The following HTR2C variants were observed in gnomAD, a reference collection of about 807,000 sequenced individuals.
HTR2C encodes 5-hydroxytryptamine receptor 2C, also known as 5-hydroxytryptamine (serotonin) receptor 2C, G protein-coupled.
Under a neutral mutation model 21.0 loss-of-function variants are expected in HTR2C, and 5 were observed. The observed-to-expected ratio is 0.24, with a 90% CI of 0.12 to 0.50. The LOEUF is 0.50. HTR2C is among the 20% of genes least tolerant of loss of function. The pLI is 0.98. For missense variants in HTR2C, 271 were observed against 371.2 expected, an observed-to-expected ratio of 0.73 and a Z score of 2.22; for synonymous variants, 150 against 145.3, an observed-to-expected ratio of 1.03 and a Z score of -0.23.
intron 4 of HTR2C, among the ~76,000 whole-genome samples, chrX:114,794,308 C>T (rs920691687): frequency 4.5e-5 from 5 of 111,029 alleles, no homozygotes; most frequent in African/African-American, 1.6e-4. Flanking sequence ...CAGCAGAATA[C>T]AATCTGGTAA....
At chrX:114,739,720 T>G (rs1261680425) in intron 4 of HTR2C, among the ~76,000 whole-genome samples, 1 of 111,959 alleles carries the variant, frequency 8.9e-6, no homozygotes, top group African/African-American at 3.2e-5. Context: ...ATATCTCTAA[T>G]ACATAAACAA....
At chrX:114,755,788 G>C (rs782098388) in intron 4 of HTR2C, among the ~76,000 whole-genome samples, 42 of 111,349 alleles carry the variant, frequency 3.8e-4, no homozygotes, top group Admixed American at 3.8e-3. Context: ...ACATTTCATT[G>C]TACAGAATAT....
chrX:114,876,722 A>G (rs868954297), intron 5 of HTR2C, among the ~76,000 whole-genome samples: 2 of 110,656 alleles, frequency 1.8e-5, no homozygotes, highest in Non-Finnish European at 3.8e-5. Context: ...CATTCTGTCA[A>G]TGTGATGTAT....
intron 4 of HTR2C, among the ~76,000 whole-genome samples, chrX:114,806,215 C>A (rs974884112): frequency 2.1e-5 from 2 of 96,922 alleles, no homozygotes; most frequent in Non-Finnish European, 4.1e-5. Flanking sequence ...TATATACACT[C>A]TATATACCAT....
At chrX:114,829,063 T>C (rs1261824174) in intron 4 of HTR2C, among the ~76,000 whole-genome samples, 3 of 111,923 alleles carry the variant, frequency 2.7e-5, no homozygotes, top group Non-Finnish European at 3.8e-5. Context: ...CTTGAGTATC[T>C]ATAAATAGAA....
chrX:114,611,527 TAA>T (rs1259117936), intron 1 of HTR2C, among the ~76,000 whole-genome samples: 3 of 112,202 alleles, frequency 2.7e-5, no homozygotes, highest in Admixed American at 9.5e-5. Context: ...TTATTTACTA[TAA>T]GTCTCCTACT....
At position 114,726,984 on chromosome X, in the gene HTR2C, C is replaced by T. The variant is rs200921641; in HGVS notation, c.35+13C>T. ...TGCATTCATTCCTGTAAGGATGTTA[C>T]TACTTATTATTTTAGTAAAAAGATA... On this transcript the variant is annotated intron_variant, in intron 3 of 5. Transcript: ENST00000276198. 7.8e-6 allele frequency: 8 copies of T among 1,030,809 alleles called. No individual in the cohort carries two copies. The highest frequency in any genetic ancestry group is 1.0e-5 in the Non-Finnish European group (8 of 769,061). 85.0% of individuals were successfully genotyped at this position (1,030,809 alleles called of 1,213,427 possible). A position where few individuals can be genotyped will look rare whatever the true frequency, so the allele number is the denominator to read the frequency against.
chrX:114,790,031 T>C (rs2070216428), intron 4 of HTR2C, among the ~76,000 whole-genome samples: 1 of 112,502 alleles, frequency 8.9e-6, no homozygotes, highest in African/African-American at 3.2e-5. Context: ...GGTTTGCACT[T>C]CTAAGCGTTT....
intron 1 of HTR2C, among the ~76,000 whole-genome samples, chrX:114,605,381 G>T (rs1209493647): frequency 9.1e-6 from 1 of 110,216 alleles, no homozygotes; most frequent in African/African-American, 3.3e-5. Context: ...GGAGAGGTCA[G>T]ATGGGTCTGT....
chrX:114,774,400 G>C (rs782146374), intron 4 of HTR2C, among the ~76,000 whole-genome samples: 1 of 111,189 alleles, frequency 9.0e-6, no homozygotes, highest in African/African-American at 3.3e-5. Flanking sequence ...ATAGACGATT[G>C]TTTTCATACT....
intron 2 of HTR2C, among the ~76,000 whole-genome samples, chrX:114,669,411 AC>A: frequency 8.9e-6 from 1 of 111,997 alleles, no homozygotes; most frequent in Admixed American, 9.5e-5. Flanking sequence ...ATATAACAGT[AC>A]CCAAACTCTT....
At chrX:114,662,458 C>G (rs1931025991) in intron 2 of HTR2C, among the ~76,000 whole-genome samples, 1 of 111,535 alleles carries the variant, frequency 9.0e-6, no homozygotes, top group African/African-American at 3.3e-5. Flanking sequence ...CACCAAGATG[C>G]AGATCACAAA....
intron 5 of HTR2C, among the ~76,000 whole-genome samples, chrX:114,853,287 A>G (rs1556469839): frequency 9.0e-6 from 1 of 111,254 alleles, no homozygotes; most frequent in Non-Finnish European, 1.9e-5. Flanking sequence ...GACACTAACC[A>G]TTTAACATGT....
At chrX:114,729,684 C>T (rs781979159) in intron 3 of HTR2C, among the ~76,000 whole-genome samples, 3 of 111,791 alleles carry the variant, frequency 2.7e-5, no homozygotes, top group Non-Finnish European at 3.8e-5. Flanking sequence ...ATAAGAATTA[C>T]GATTTCTCTG....
chrX:114,585,469 A>G (rs1927352101), intron 1 of HTR2C, among the ~76,000 whole-genome samples: 1 of 111,748 alleles, frequency 8.9e-6, no homozygotes, highest in African/African-American at 3.3e-5. Flanking sequence ...TCCTGTACTC[A>G]GTTTTACCTG....
chrX:114,702,562 A>C (rs1488032703), intron 2 of HTR2C, among the ~76,000 whole-genome samples: 1 of 111,594 alleles, frequency 9.0e-6, no homozygotes, highest in African/African-American at 3.3e-5. Flanking sequence ...TGGAGGAAGC[A>C]CTAAACATGG....
chrX:114,724,587 G>A (rs1249268715), intron 2 of HTR2C, among the ~76,000 whole-genome samples: 1 of 83,539 alleles, frequency 1.2e-5, no homozygotes, highest in Non-Finnish European at 2.4e-5. Flanking sequence ...TTGCTCATTA[G>A]TTGATGCAGT....
At chrX:114,695,970 T>C (rs1556415820) in intron 2 of HTR2C, among the ~76,000 whole-genome samples, 5 of 111,976 alleles carry the variant, frequency 4.5e-5, no homozygotes, top group South Asian at 3.7e-4. Context: ...TTTAGCAAGA[T>C]TTCTTTTTCA....
chrX:114,857,961 A>T (rs1178106865), intron 5 of HTR2C, among the ~76,000 whole-genome samples: 1 of 111,171 alleles, frequency 9.0e-6, no homozygotes, highest in Admixed American at 9.6e-5. Flanking sequence ...TATTGGAAAG[A>T]TTATTCTTGC....
Sources: allele counts gnomAD v4.1 joint callset (sites outside exome capture counted in the v4.1 genomes callset), GRCh38; gene constraint gnomAD v4.1.1; transcripts MANE v1.5; gene names NCBI Gene and HGNC (gene_info 2026-07-23, HGNC 2026-07-21).